DGKZ: variants seen among roughly 807,000 people sequenced by gnomAD.
DGKZ encodes DAG kinase zeta.
In DGKZ, 45 loss-of-function variants were observed where a neutral mutation model predicts 142.5. That is an observed-to-expected ratio of 0.32 (90% CI 0.25 to 0.40). The LOEUF is 0.40. DGKZ is among the 10% of genes least tolerant of loss of function. The pLI is 1.00. For synonymous variants in DGKZ, 442 were observed against 527.0 expected (o/e 0.84, Z 2.21); for missense variants, 755 against 1,306.5 (o/e 0.58, Z 6.51).
intron 6 of DGKZ, among the ~76,000 whole-genome samples, chr11:46,370,604 A>T (rs1052007153): frequency 1.3e-5 from 2 of 152,080 alleles, no homozygotes; most frequent in Admixed American, 6.6e-5. Context: ...TTAACAGCAC[A>T]TGGGGGTCTG....
chr11:46,366,249 C>T (rs552192339), intron 1 of DGKZ: 40 of 1,567,082 alleles, frequency 2.6e-5, no homozygotes, highest in Middle Eastern at 1.8e-4. Context: ...AACAGCCAAC[C>T]GCCTGCCATG....
At position 46,367,231 on chromosome 11, in the gene DGKZ, T is replaced by C. The variant is rs558687370; in HGVS notation, c.162-60T>C. On this transcript the variant is annotated intron_variant, in intron 1 of 30. Coordinates refer to ENST00000527911, the Ensembl canonical transcript of DGKZ. This position sits in a 1 kb window ranked among gnomAD's most constrained non-coding sequence, Gnocchi z 4.1. ...CGGAAAGGGCAGAGGCCCCAGGAGGTGGGAGGAAGTAGGGTCAGCAAGTGC... is the reference window on the plus strand; with the variant it reads ...CGGAAAGGGCAGAGGCCCCAGGAGGCGGGAGGAAGTAGGGTCAGCAAGTGC... 1 of 1,466,208 alleles carries C rather than the reference T, an allele frequency of 6.8e-7. No individual in the cohort carries two copies. The highest frequency in any genetic ancestry group is 1.2e-5 in the South Asian group (1 of 83,306). 90.8% of individuals were successfully genotyped at this position (1,466,208 alleles called of 1,614,324 possible).
intron 25 of DGKZ, 40 bp downstream of exon 25, chr11:46,377,252 A>G: frequency 6.5e-7 from 1 of 1,538,656 alleles, no homozygotes; most frequent in East Asian, 2.3e-5. Flanking sequence ...CCTGGCTTTC[A>G]GCCCCACCTG....
At chr11:46,377,324 A>T in intron 25 of DGKZ, 112 bp downstream of exon 25, 1 of 1,438,618 alleles carries the variant, frequency 7.0e-7, no homozygotes, top group South Asian at 1.5e-5. Context: ...AATGGTGTCA[A>T]CCTGAACCTG....
chr11:46,349,094 C>A (rs1294736155), intron 1 of DGKZ, among the ~76,000 whole-genome samples: 1 of 152,200 alleles, frequency 6.6e-6, no homozygotes, highest in African/African-American at 2.4e-5. Flanking sequence ...CCCGTCTCAC[C>A]CGGGCTAGGG....
intron 15 of DGKZ, 72 bp from the exon 16 acceptor site, chr11:46,374,326 TC>T: frequency 3.1e-6 from 5 of 1,612,168 alleles, no homozygotes; most frequent in Non-Finnish European, 4.2e-6. Flanking sequence ...AAGGCATCCA[TC>T]CCAGCCCTCC....
intron 1 of DGKZ, among the ~76,000 whole-genome samples, chr11:46,356,877 A>G (rs1261040029): frequency 6.6e-6 from 1 of 152,200 alleles, no homozygotes; most frequent in Non-Finnish European, 1.5e-5. Context: ...TAATATTTGT[A>G]AAAACACTTA....
Position 46,372,277 on chromosome 11 carries a change from C to T in DGKZ, c.927+107C>T, listed in dbSNP as rs1944029036. The T allele has an allele frequency of 2.2e-6, 3 of 1,355,022 alleles. No individual in the cohort carries two copies. The highest frequency in any genetic ancestry group is 2.9e-5 in the African/African-American group (2 of 68,976). 83.9% of individuals were successfully genotyped at this position (1,355,022 alleles called of 1,614,324 possible). A position where few individuals can be genotyped will look rare whatever the true frequency, so the allele number is the denominator to read the frequency against. On this transcript the variant is annotated intron_variant, in intron 10 of 30. Coordinates refer to ENST00000527911, the Ensembl canonical transcript of DGKZ. This position sits in a 1 kb window ranked among gnomAD's most constrained non-coding sequence, Gnocchi z 5.9. Reference sequence around the variant, plus strand: ...CCGTTTCTGGCTTCTACCCCAATCCCTCTTTCCCAGGGATCCTGAGAAAAT... The same window carrying T: ...CCGTTTCTGGCTTCTACCCCAATCCTTCTTTCCCAGGGATCCTGAGAAAAT...
exon 28 of DGKZ, chr11:46,379,017 C>A: frequency 6.3e-7 from 1 of 1,582,016 alleles, no homozygotes; most frequent in Non-Finnish European, 8.5e-7. Context: ...GAGCTGGGGG[C>A]GACCTCATGC....
At chr11:46,352,320 G>C (rs1286680680) in intron 1 of DGKZ, among the ~76,000 whole-genome samples, 2 of 152,240 alleles carry the variant, frequency 1.3e-5, no homozygotes, top group Non-Finnish European at 2.9e-5. Flanking sequence ...GACAGCTGCC[G>C]TTGTGGGAGG....
exon 31 of DGKZ, chr11:46,379,958 A>G (rs1209830617): frequency 2.5e-6 from 4 of 1,597,466 alleles, no homozygotes; most frequent in Non-Finnish European, 3.4e-6. Context: ...CGGGCCGCCC[A>G]CGGGCAGCAG....
At chr11:46,377,911 A>G in intron 25 of DGKZ, 2 of 507,062 alleles carry the variant, frequency 3.9e-6, no homozygotes, top group Non-Finnish European at 7.1e-6. Flanking sequence ...CCCCCTCTGC[A>G]GGGGTGCCAC....
intron 14 of DGKZ, among the ~76,000 whole-genome samples, chr11:46,373,467 GTTTTC>G (rs1470785706): frequency 1.1e-4 from 15 of 134,800 alleles, no homozygotes; most frequent in African/African-American, 2.5e-4. Context: ...TTGTTTTTCT[GTTTTC>G]TTTTTTTTTT....
At chr11:46,358,297 CTT>C (rs1277330707) in intron 1 of DGKZ, among the ~76,000 whole-genome samples, 1 of 152,110 alleles carries the variant, frequency 6.6e-6, no homozygotes, top group Non-Finnish European at 1.5e-5. Flanking sequence ...GTACCTATAT[CTT>C]CTGATATTTT....
intron 9 of DGKZ, 143 bp from the exon 10 acceptor site, chr11:46,371,932 G>T: frequency 8.1e-7 from 1 of 1,227,862 alleles, no homozygotes. Flanking sequence ...GCCAGTTTCT[G>T]CTCTGTGGCC....
chr11:46,379,044 T>A, exon 28 of DGKZ: 1 of 1,578,952 alleles, frequency 6.3e-7, no homozygotes, highest in Non-Finnish European at 8.5e-7. Context: ...ACGAGCAGAG[T>A]CGCACGCTCC....
At chr11:46,347,325 C>T, upstream of DGKZ, 1 of 984,996 alleles carries the variant, frequency 1.0e-6, no homozygotes. The surrounding 1 kb of genome is among the most constrained non-coding windows in gnomAD (Gnocchi z 6.4). Flanking sequence ...CTCGGACCGC[C>T]CCAGCGGGCT....
intron 1 of DGKZ, among the ~76,000 whole-genome samples, chr11:46,356,047 G>A (rs572257127): frequency 1.3e-5 from 2 of 152,128 alleles, no homozygotes; most frequent in Non-Finnish European, 1.5e-5. Context: ...GCCCGGCCAG[G>A]GTGTTAATAT....
chr11:46,337,225 T>C (rs1423320783), intron 1 of DGKZ, among the ~76,000 whole-genome samples: 1 of 151,668 alleles, frequency 6.6e-6, no homozygotes, highest in African/African-American at 2.4e-5. Flanking sequence ...GATTTGCAAT[T>C]CCAGAGTTAA....
Sources: gnomAD v4.1 joint callset for allele counts (sites outside exome capture counted in the v4.1 genomes callset) on GRCh38, gnomAD v4.1.1 for gene constraint, Gnocchi (gnomAD v3.1) non-coding constraint, MANE v1.5 for transcripts, NCBI Gene and HGNC (gene_info 2026-07-23, HGNC 2026-07-21) for gene names.